Variants in CD28 observed in about 807,000 individuals in gnomAD.
CD28 encodes CD28 molecule, also known as T-cell-specific surface glycoprotein CD28.
In CD28, 8 loss-of-function variants were observed where a neutral mutation model predicts 21.4. The ratio of observed to expected loss-of-function variants is 0.37; its 90% CI spans 0.22 to 0.68. CD28 has a LOEUF of 0.68. Among genes scored for constraint, CD28 ranks in the 30% least tolerant of loss-of-function variants. CD28 has a pLI of 0.55. For missense variants in CD28, 239 were observed against 272.2 expected (o/e 0.88, Z 0.86); for synonymous variants, 106 against 104.0 (o/e 1.02, Z -0.12).
At chr2:203,713,852 G>A (rs200536825) in intron 1 of CD28, among the ~76,000 whole-genome samples, 14 of 141,612 alleles carry the variant, frequency 9.9e-5, no homozygotes, top group Non-Finnish European at 1.2e-4. Flanking sequence ...AGAGAGAGAG[G>A]GAGAGAGAGA....
Position 203,726,992 on chromosome 2 carries a change from A to G in CD28, c.409+3A>G. On this transcript the variant is annotated splice_donor_region_variant and intron_variant, in intron 2 of 3. Coordinates refer to ENST00000324106, the MANE Select transcript of CD28 (RefSeq NM_006139.4). Reference sequence around the variant, plus strand: ...TGGAACCATTATCCATGTGAAAGGTAACATACAACTTTACCAGTGTACCAC... The same window carrying G: ...TGGAACCATTATCCATGTGAAAGGTGACATACAACTTTACCAGTGTACCAC... 1 of 1,532,162 alleles carries G rather than the reference A, an allele frequency of 6.5e-7. No homozygotes were observed. Among genetic ancestry groups the G allele is most frequent in the Non-Finnish European group, 9.0e-7 (1 of 1,106,160 alleles). 94.9% of individuals were successfully genotyped at this position (1,532,162 alleles called of 1,614,324 possible). A position where few individuals can be genotyped will look rare whatever the true frequency, so the allele number is the denominator to read the frequency against.
intron 1 of CD28, among the ~76,000 whole-genome samples, chr2:203,723,923 C>A (rs1192854882): frequency 6.6e-6 from 1 of 152,134 alleles, no homozygotes; most frequent in Non-Finnish European, 1.5e-5. Flanking sequence ...CATACGTCCA[C>A]ACAAAAATCT....
chr2:203,718,623 C>G (rs1307641281), intron 1 of CD28, among the ~76,000 whole-genome samples: 1 of 152,152 alleles, frequency 6.6e-6, no homozygotes, highest in Admixed American at 6.5e-5. Context: ...TAAATGGAAC[C>G]TGATAAAGTT....
At chr2:203,723,177 A>C (rs1693650047) in intron 1 of CD28, among the ~76,000 whole-genome samples, 1 of 152,240 alleles carries the variant, frequency 6.6e-6, no homozygotes, top group Non-Finnish European at 1.5e-5. Context: ...CTTTTAAGAT[A>C]ATATGAAAGA....
At chr2:203,714,424 C>T (rs973410827) in intron 1 of CD28, among the ~76,000 whole-genome samples, 2 of 152,178 alleles carry the variant, frequency 1.3e-5, no homozygotes, top group African/African-American at 4.8e-5. Flanking sequence ...CTTAGCATTT[C>T]CCTGTGTGTT....
intron 1 of CD28, among the ~76,000 whole-genome samples, chr2:203,717,963 A>C (rs1459712863): frequency 1.3e-5 from 2 of 152,188 alleles, no homozygotes; most frequent in African/African-American, 4.8e-5. Flanking sequence ...AACTTGCATT[A>C]TTATCATTAT....
At chr2:203,719,788 G>C (rs1310899767) in intron 1 of CD28, among the ~76,000 whole-genome samples, 4 of 152,102 alleles carry the variant, frequency 2.6e-5, no homozygotes, top group African/African-American at 9.7e-5. Flanking sequence ...AAGCCAATGT[G>C]TTTCCCATAT....
chr2:203,727,442 C>CTTCT (rs142951885), intron 2 of CD28, among the ~76,000 whole-genome samples: 115,664 of 149,984 alleles, frequency 0.77, 44,776 homozygotes, highest in East Asian at 0.92. Flanking sequence ...TCCTTCCTTC[C>CTTCT]TTCCTTCCTT....
chr2:203,721,198 G>T (rs1008926781), intron 1 of CD28, among the ~76,000 whole-genome samples: 1 of 152,146 alleles, frequency 6.6e-6, no homozygotes, highest in Non-Finnish European at 1.5e-5. Context: ...CAAAGAAGAG[G>T]GAGGAAAGTA....
intron 1 of CD28, among the ~76,000 whole-genome samples, chr2:203,721,974 C>T (rs1433823778): frequency 6.6e-6 from 1 of 152,070 alleles, no homozygotes; most frequent in Non-Finnish European, 1.5e-5. Context: ...ACTGTGTGTG[C>T]TGGGAGAGGG....
chr2:203,730,892 C>T (rs1345179374), intron 3 of CD28, among the ~76,000 whole-genome samples: 1 of 152,238 alleles, frequency 6.6e-6, no homozygotes, highest in Non-Finnish European at 1.5e-5. Flanking sequence ...ATTCTGTTTA[C>T]TGTCAGCTTG....
intron 1 of CD28, among the ~76,000 whole-genome samples, chr2:203,714,484 C>A (rs1693412246): frequency 6.7e-6 from 1 of 148,954 alleles, no homozygotes; most frequent in South Asian, 2.1e-4. Context: ...GGCCAGTCCG[C>A]TATTCTTTTG....
At position 203,729,679 on chromosome 2, in the gene CD28, C is replaced by A. The variant is rs184517165; in HGVS notation, c.441C>A (p.Pro147=). The A allele has an allele frequency of 2.4e-4, 393 of 1,614,004 alleles. 2 individuals carry two copies. In the East Asian group the frequency reaches 8.6e-3, roughly 35 times the overall value. The stretch of plus-strand genomic sequence containing the variant: ...ACCTTTGTCCAAGTCCCCTATTTCC[C>A]GGACCTTCTAAGCCCTTTTGGGTGC... ...GKHLCPSPLF[P]GPSKPFWVLV... The change falls in exon 3 of 4, where the codon CCC becomes CCA. Residue 147 remains proline, a synonymous_variant. Transcript: ENST00000324106.
chr2:203,732,426 T>G (rs892724228), intron 3 of CD28, among the ~76,000 whole-genome samples: 2 of 152,218 alleles, frequency 1.3e-5, no homozygotes, highest in African/African-American at 4.8e-5. Flanking sequence ...TAAAGAAATC[T>G]TTTTAAAAAA....
intron 1 of CD28, among the ~76,000 whole-genome samples, chr2:203,724,630 C>T (rs912668772): frequency 6.6e-5 from 10 of 152,112 alleles, no homozygotes; most frequent in Non-Finnish European, 1.3e-4. Flanking sequence ...GCATTCATCC[C>T]GCCTTGGCCT....
In CD28 at chr2:203,726,770, G is replaced by A. The variant is rs1274571413; in HGVS notation, c.190G>A (p.Glu64Lys). Residue 64 changes from glutamate to lysine, a missense_variant, in exon 2 of 4, where the codon GAA becomes AAA. By Grantham distance (56) the Glu-to-Lys change is moderately conservative. Coordinates refer to ENST00000324106, the MANE Select transcript of CD28 (RefSeq NM_006139.4). ...SLHKGLDSAV[E>K]VCVVYGNYSQ... ...TCACAAAGGACTGGATAGTGCTGTG[G>A]AAGTCTGTGTTGTATATGGGAATTA... The A allele has an allele frequency of 1.2e-6, 2 of 1,614,168 alleles. No homozygotes were observed. The highest frequency in any genetic ancestry group is 1.7e-6 in the Non-Finnish European group (2 of 1,180,032).
chr2:203,733,468 A>G (rs1323659886), intron 3 of CD28, among the ~76,000 whole-genome samples: 1 of 152,118 alleles, frequency 6.6e-6, no homozygotes, highest in African/African-American at 2.4e-5. Flanking sequence ...TTTATTTTAG[A>G]CATGTTGAGT....
chr2:203,720,334 A>G (rs748096880), intron 1 of CD28, among the ~76,000 whole-genome samples: 3 of 152,252 alleles, frequency 2.0e-5, no homozygotes, highest in Non-Finnish European at 2.9e-5. Flanking sequence ...TCAGTTAGAG[A>G]AATGTCAGTC....
intron 1 of CD28, among the ~76,000 whole-genome samples, chr2:203,716,661 T>G (rs1016950194): frequency 2.6e-5 from 4 of 152,184 alleles, no homozygotes; most frequent in African/African-American, 9.7e-5. Context: ...TTTTTGCTAC[T>G]GAACTATCTG....
Sources: allele counts gnomAD v4.1 joint callset (sites outside exome capture counted in the v4.1 genomes callset), GRCh38; gene constraint gnomAD v4.1.1; transcripts MANE v1.5; gene names NCBI Gene and HGNC (gene_info 2026-07-23, HGNC 2026-07-21).